Variants in OTC observed in about 807,000 individuals in gnomAD.
OTC encodes the protein ornithine transcarbamylase, mitochondrial.
OTC carries 3 observed loss-of-function variants against 30.3 expected under a neutral mutation model. That is an observed-to-expected ratio of 0.10 (90% CI 0.05 to 0.26). OTC has a LOEUF of 0.26. Among genes scored for constraint, OTC ranks in the 10% least tolerant of loss-of-function variants. The probability of loss-of-function intolerance (pLI) is 1.00; values close to 1 mark genes in which losing one functional copy is unlikely to be tolerated. For missense variants in OTC, 194 were observed against 260.3 expected, an observed-to-expected ratio of 0.75 and a Z score of 1.75; for synonymous variants, 111 against 99.7, an observed-to-expected ratio of 1.11 and a Z score of -0.67.
intron 4 of OTC, among the ~76,000 whole-genome samples, chrX:38,399,216 T>A (rs1393985134): frequency 9.0e-6 from 1 of 111,430 alleles, no homozygotes; most frequent in East Asian, 2.8e-4. Context: ...AAAATGCAGA[T>A]TCTGCTTCAG....
Position 38,411,889 on chromosome X carries a change from A to G in OTC, c.895A>G (p.Thr299Ala). The change falls in exon 9 of 10, where the codon ACA (threonine) becomes GCA (alanine). Residue 299 changes from threonine (T) to alanine (A), a missense_variant. Thr to Ala is a moderately conservative substitution (Grantham distance 58). Transcript: ENST00000039007. ...KTAKVAASDW[T>A]FLHCLPRKPE... ...TGCTAAAGTTGCTGCCTCTGACTGGACATTTTTACACTGCTTGCCCAGAAA... is the reference window on the plus strand; with the variant it reads ...TGCTAAAGTTGCTGCCTCTGACTGGGCATTTTTACACTGCTTGCCCAGAAA... 8.3e-7 allele frequency: 1 copy of G among 1,210,926 alleles called. No individual in the cohort carries two copies. Among genetic ancestry groups the G allele is most frequent in the South Asian group, 1.8e-5 (1 of 56,982 alleles).
intron 1 of OTC, among the ~76,000 whole-genome samples, chrX:38,360,783 A>G (rs1398799832): frequency 8.9e-6 from 1 of 112,527 alleles, no homozygotes; most frequent in Non-Finnish European, 1.9e-5. Flanking sequence ...TGAGTAATTC[A>G]TAAAGCAAAA....
upstream of OTC, among the ~76,000 whole-genome samples, chrX:38,348,318 A>G (rs1229427112): frequency 7.1e-5 from 8 of 111,929 alleles, no homozygotes; most frequent in South Asian, 3.7e-4. Flanking sequence ...CCCAATGCAA[A>G]TAATGACATA....
At chrX:38,390,061 G>A (rs1189109849) in intron 4 of OTC, among the ~76,000 whole-genome samples, 4 of 111,798 alleles carry the variant, frequency 3.6e-5, no homozygotes. Flanking sequence ...TATTCTAAAT[G>A]CCATTATACC....
At chrX:38,378,026 G>A (rs1157058460) in intron 3 of OTC, among the ~76,000 whole-genome samples, 1 of 107,464 alleles carries the variant, frequency 9.3e-6, no homozygotes, top group Non-Finnish European at 1.9e-5. Flanking sequence ...TAGTAGAGAT[G>A]GGTTTCCCCA....
chrX:38,356,116 AG>A (rs1447240189), intron 1 of OTC, among the ~76,000 whole-genome samples: 2 of 110,101 alleles, frequency 1.8e-5, no homozygotes, highest in East Asian at 5.7e-4. Flanking sequence ...TGGGACCAAA[AG>A]TTGAATGGGG....
At chrX:38,334,258 G>A in the OTC span, among the ~76,000 whole-genome samples, 1 of 110,779 alleles carries the variant, frequency 9.0e-6, no homozygotes, top group East Asian at 2.8e-4. Flanking sequence ...AAGTTAAGTT[G>A]CCCATGGTCT....
At chrX:38,413,682 T>G (rs3788831) in intron 9 of OTC, among the ~76,000 whole-genome samples, 15,046 of 108,003 alleles carry the variant, frequency 0.14, 1,023 homozygotes, top group East Asian at 0.44. Context: ...TTTTTTGTTT[T>G]TTTTTGAGAT....
At chrX:38,380,442 T>C (rs1485178518) in intron 3 of OTC, among the ~76,000 whole-genome samples, 6 of 112,273 alleles carry the variant, frequency 5.3e-5, no homozygotes, top group Non-Finnish European at 1.1e-4. Context: ...TTTGCCTTTA[T>C]GTATTGGAGA....
the OTC span, among the ~76,000 whole-genome samples, chrX:38,344,895 TA>T: frequency 0.019 from 1,784 of 95,067 alleles, 39 homozygotes; most frequent in African/African-American, 0.056. Flanking sequence ...ACAATTCAAG[TA>T]AAAAAAAAAA....
the OTC span, among the ~76,000 whole-genome samples, chrX:38,342,840 G>T: frequency 3.6e-5 from 4 of 112,063 alleles, no homozygotes; most frequent in African/African-American, 1.3e-4. Context: ...ACCCTAAATA[G>T]GTCCCATCTT....
chrX:38,362,454 G>A (rs745504116), intron 1 of OTC, among the ~76,000 whole-genome samples: 6 of 111,720 alleles, frequency 5.4e-5, no homozygotes, highest in African/African-American at 1.6e-4. Context: ...AGTCAGAAAG[G>A]GAGATTTTTC....
intron 4 of OTC, among the ~76,000 whole-genome samples, chrX:38,385,675 T>A (rs867258630): frequency 2.2e-4 from 24 of 111,336 alleles, no homozygotes; most frequent in African/African-American, 4.6e-4. Flanking sequence ...GATTTTTTTT[T>A]AAAAAAGCAC....
At chrX:38,390,221 A>G (rs2068423362) in intron 4 of OTC, among the ~76,000 whole-genome samples, 1 of 111,652 alleles carries the variant, frequency 9.0e-6, no homozygotes, top group Non-Finnish European at 1.9e-5. Flanking sequence ...TTTGACAAGA[A>G]CCCATCTAGG....
In OTC at chrX:38,401,419, C is replaced by T; in HGVS notation, c.531C>T (p.Leu177=). The part of the protein sequence containing the change: ...YHPIQILADY[L]TLQEHYSSLK... ...CTATCCAGATCCTGGCTGATTACCTCACGCTCCAGGTTGGTTTATTTATTT... is the reference window on the plus strand; with the variant it reads ...CTATCCAGATCCTGGCTGATTACCTTACGCTCCAGGTTGGTTTATTTATTT... Residue 177 remains leucine (L), a synonymous_variant, in exon 5 of 10, where the codon CTC becomes CTT. Coordinates refer to ENST00000039007, the MANE Select transcript of OTC (RefSeq NM_000531.6). The T allele has an allele frequency of 1.7e-6, 2 of 1,205,218 alleles. No individual in the cohort carries two copies. Among genetic ancestry groups the T allele is most frequent in the Non-Finnish European group, 2.2e-6 (2 of 889,573 alleles).
chrX:38,357,004 C>G (rs1010825608), intron 1 of OTC, among the ~76,000 whole-genome samples: 2 of 110,660 alleles, frequency 1.8e-5, no homozygotes, highest in African/African-American at 6.6e-5. Flanking sequence ...TTCTAATATG[C>G]CTTTTTGAGA....
At chrX:38,420,579 A>G (rs954549394) in intron 9 of OTC, among the ~76,000 whole-genome samples, 2 of 111,325 alleles carry the variant, frequency 1.8e-5, no homozygotes, top group Non-Finnish European at 3.8e-5. Context: ...GAGAGCAGAC[A>G]TTGCTCAGAT....
intron 6 of OTC, 25 bp downstream of exon 6, chrX:38,403,765 C>G: frequency 8.3e-7 from 1 of 1,203,008 alleles, no homozygotes. Context: ...TGCCTTGAAA[C>G]TAACCCCTCT....
At chrX:38,366,589 A>G (rs1232156821) in intron 1 of OTC, among the ~76,000 whole-genome samples, 1 of 112,018 alleles carries the variant, frequency 8.9e-6, no homozygotes, top group East Asian at 2.8e-4. Flanking sequence ...TGTCTGCTTT[A>G]CATGTATTAA....
Sources: allele counts gnomAD v4.1 joint callset (sites outside exome capture counted in the v4.1 genomes callset), GRCh38; gene constraint gnomAD v4.1.1; transcripts MANE v1.5; gene names NCBI Gene and HGNC (gene_info 2026-07-23, HGNC 2026-07-21).